The following KIF6 variants were observed in gnomAD, a reference collection of about 807,000 sequenced individuals.
The protein encoded by KIF6 is kinesin-like protein KIF6.
A neutral mutation model predicts 112.7 loss-of-function variants in KIF6; 106 were observed. The ratio of observed to expected loss-of-function variants is 0.94; its 90% confidence interval spans 0.80 to 1.11. The LOEUF (loss-of-function observed/expected upper bound fraction) is 1.11, where lower values mean the gene tolerates loss of function less well. Among genes scored for constraint, KIF6 ranks in the 50% least tolerant of loss-of-function variants. The pLI is 0.00. For missense variants in KIF6, 929 were observed against 964.0 expected (o/e 0.96, Z 0.48); for synonymous variants, 339 against 339.9 (o/e 1.00, Z 0.03).
intron 13 of KIF6, among the ~76,000 whole-genome samples, chr6:39,466,089 G>A (rs1292812832): frequency 6.6e-6 from 1 of 152,136 alleles, no homozygotes; most frequent in Non-Finnish European, 1.5e-5. Flanking sequence ...TGAGCTCCTT[G>A]ACCACAGGAC....
intron 3 of KIF6, among the ~76,000 whole-genome samples, chr6:39,651,058 C>A (rs1487295491): frequency 6.6e-6 from 1 of 151,798 alleles, no homozygotes; most frequent in African/African-American, 2.4e-5. Flanking sequence ...CTAATTTACA[C>A]ATCAATCTAT....
chr6:39,400,935 G>C lies in KIF6; in HGVS notation c.1811-15263C>G, dbSNP rs571961681. 5.4e-4 allele frequency among the ~76,000 whole-genome samples: 83 copies of C among 152,352 alleles called. 1 individual carries two copies. The highest frequency in any genetic ancestry group is 9.0e-4 in the Non-Finnish European group (61 of 68,036). ...CACAGGAATCTGTTTTCTAAGGATT[G>C]ATTACATGTCAGCTGACTAACGTCA... On this transcript the variant is annotated intron_variant, in intron 15 of 22. Transcript: ENST00000287152.
chr6:39,578,191 A>G (rs1448714831), intron 9 of KIF6, 32 bp from the exon 10 acceptor site: 1 of 1,384,994 alleles, frequency 7.2e-7, no homozygotes, highest in African/African-American at 1.4e-5. Flanking sequence ...AGAAAATGTC[A>G]ACTTCTCATT....
intron 3 of KIF6, among the ~76,000 whole-genome samples, chr6:39,703,074 A>G (rs1366551141): frequency 4.8e-5 from 1 of 20,850 alleles, no homozygotes; most frequent in Non-Finnish European, 1.4e-4. Flanking sequence ...AAAATCCACC[A>G]ACCCCCCACC....
chr6:39,395,798 A>G (rs1176866234), intron 15 of KIF6, among the ~76,000 whole-genome samples: 1 of 151,986 alleles, frequency 6.6e-6, no homozygotes, highest in Non-Finnish European at 1.5e-5. Flanking sequence ...AGTTTGTAGG[A>G]CCCCTCACTA....
intron 5 of KIF6, among the ~76,000 whole-genome samples, chr6:39,629,458 T>A (rs1255604288): frequency 6.6e-6 from 1 of 152,138 alleles, no homozygotes; most frequent in Non-Finnish European, 1.5e-5. Context: ...TTGCCATATG[T>A]GTATCTTCTT....
intron 15 of KIF6, among the ~76,000 whole-genome samples, chr6:39,402,630 T>C (rs1371475761): frequency 6.6e-6 from 1 of 152,158 alleles, no homozygotes; most frequent in Admixed American, 6.5e-5. Context: ...GGGCACTTAT[T>C]TGTAGTGACC....
intron 13 of KIF6, among the ~76,000 whole-genome samples, chr6:39,525,133 C>A (rs1438953166): frequency 6.6e-6 from 1 of 152,058 alleles, no homozygotes; most frequent in Non-Finnish European, 1.5e-5. Flanking sequence ...GAGATGAGTG[C>A]CCTCTCCCCA....
chr6:39,495,213 G>A (rs994689459), intron 13 of KIF6, among the ~76,000 whole-genome samples: 15 of 152,214 alleles, frequency 9.9e-5, no homozygotes, highest in African/African-American at 3.4e-4. Context: ...AACTGTGGAG[G>A]ACTCCGTCTG....
chr6:39,538,289 A>G (rs1053947754), intron 13 of KIF6, among the ~76,000 whole-genome samples: 38 of 151,254 alleles, frequency 2.5e-4, no homozygotes, highest in Non-Finnish European at 4.4e-4. Context: ...AACCTACAAC[A>G]TGGGAGAAAA....
At chr6:39,676,062 G>GAAAAAAAAAAAAAAAAAAAAAA (rs3048078) in intron 3 of KIF6, among the ~76,000 whole-genome samples, 1 of 145,700 alleles carries the variant, frequency 6.9e-6, no homozygotes, top group African/African-American at 2.5e-5. Context: ...AGGAAATATG[G>GAAAAAAAAAAAAAAAAAAAAAA]AAAAAAAAAA....
intron 13 of KIF6, among the ~76,000 whole-genome samples, chr6:39,436,825 C>T (rs886250752): frequency 6.6e-6 from 1 of 151,974 alleles, no homozygotes. Flanking sequence ...GTTCTTTTTG[C>T]TTAGGATTGC....
At chr6:39,527,028 A>G (rs1777777900) in intron 13 of KIF6, among the ~76,000 whole-genome samples, 1 of 152,210 alleles carries the variant, frequency 6.6e-6, no homozygotes, top group South Asian at 2.1e-4. Flanking sequence ...ATTCTCCTTG[A>G]GCTTTTCTTT....
intron 3 of KIF6, among the ~76,000 whole-genome samples, chr6:39,658,659 T>C (rs978986662): frequency 2.5e-4 from 38 of 152,338 alleles, no homozygotes; most frequent in African/African-American, 7.5e-4. Context: ...CTTACTTTGT[T>C]CTACCACTAC....
rs543396914 is a variant in KIF6, at chr6:39,373,067, A to G, written c.1862-10549T>C. ...TCATCATGTGTAAAGGAAAAAGAGG[A>G]CAGATAGAGGGGCCAGCCATAATAC... On this transcript the variant is annotated intron_variant, in intron 16 of 22. Coordinates refer to ENST00000287152, the MANE Select transcript of KIF6 (RefSeq NM_145027.6). Among the ~76,000 whole-genome samples, 12 of 152,304 alleles carry G rather than the reference A, an allele frequency of 7.9e-5. 1 individual carries two copies. In the South Asian group the frequency reaches 1.7e-3, roughly 21 times the overall value.
intron 3 of KIF6, among the ~76,000 whole-genome samples, chr6:39,644,530 A>C (rs888201811): frequency 1.3e-5 from 2 of 152,164 alleles, no homozygotes; most frequent in African/African-American, 4.8e-5. Flanking sequence ...AAAACTTGAA[A>C]ACACATTAAA....
intron 15 of KIF6, among the ~76,000 whole-genome samples, chr6:39,387,440 C>T (rs1356270454): frequency 6.6e-6 from 1 of 152,184 alleles, no homozygotes; most frequent in Non-Finnish European, 1.5e-5. Flanking sequence ...TCTGGGGCAC[C>T]TGCATGTCTG....
intron 15 of KIF6, among the ~76,000 whole-genome samples, chr6:39,390,031 C>CAAAAAAAA (rs943420819): frequency 2.3e-5 from 1 of 43,556 alleles, no homozygotes; most frequent in Non-Finnish European, 4.6e-5. Context: ...ACTCTGTCTC[C>CAAAAAAAA]AAAAAAAAAA....
chr6:39,668,784 T>A (rs559936227), intron 3 of KIF6, among the ~76,000 whole-genome samples: 4 of 152,152 alleles, frequency 2.6e-5, no homozygotes, highest in Non-Finnish European at 5.9e-5. Flanking sequence ...TCCATTATAA[T>A]TTTAAGTAAT....
Sources: gnomAD v4.1 joint callset for allele counts (sites outside exome capture counted in the v4.1 genomes callset) on GRCh38, gnomAD v4.1.1 for gene constraint, MANE v1.5 for transcripts, NCBI Gene and HGNC (gene_info 2026-07-23, HGNC 2026-07-21) for gene names.